UVRAG: variants seen among roughly 807,000 people sequenced by gnomAD.
UVRAG encodes the protein UV radiation resistance-associated gene protein.
A neutral mutation model predicts 78.0 loss-of-function variants in UVRAG; 19 were observed. The ratio of observed to expected loss-of-function variants is 0.24; its 90% CI spans 0.17 to 0.36. The LOEUF (loss-of-function observed/expected upper bound fraction) is 0.36, where lower values mean the gene tolerates loss of function less well. Among genes scored for constraint, UVRAG ranks in the 10% least tolerant of loss-of-function variants. UVRAG has a pLI of 1.00. For synonymous variants in UVRAG, 323 were observed against 324.6 expected (o/e 1.00, Z 0.05); for missense variants, 740 against 853.8 (o/e 0.87, Z 1.66).
intron 7 of UVRAG, among the ~76,000 whole-genome samples, chr11:75,978,185 T>G (rs1185643256): frequency 1.3e-5 from 2 of 152,128 alleles, no homozygotes; most frequent in African/African-American, 4.8e-5. Context: ...TTCAGAATGT[T>G]GAATATTGCC....
At chr11:75,856,010 G>A (rs919751837) in intron 2 of UVRAG, among the ~76,000 whole-genome samples, 3 of 151,730 alleles carry the variant, frequency 2.0e-5, no homozygotes, top group Admixed American at 1.3e-4. Flanking sequence ...ATTTTTTTGA[G>A]ACGGAGTCTC....
intron 2 of UVRAG, among the ~76,000 whole-genome samples, chr11:75,852,720 A>G (rs997851848): frequency 1.3e-5 from 2 of 152,168 alleles, no homozygotes; most frequent in African/African-American, 2.4e-5. Flanking sequence ...CACTCTCCCC[A>G]TTTGTAAAGT....
intron 14 of UVRAG, chr11:76,137,665 A>G (rs1000755283): frequency 5.6e-6 from 2 of 355,342 alleles, no homozygotes; most frequent in Non-Finnish European, 1.1e-5. Flanking sequence ...TTGGGAGGCC[A>G]AGGCAAGAGG....
At chr11:76,116,184 T>C (rs1952177959) in intron 14 of UVRAG, among the ~76,000 whole-genome samples, 169 bp downstream of exon 14, 1 of 152,196 alleles carries the variant, frequency 6.6e-6, no homozygotes, top group African/African-American at 2.4e-5. Flanking sequence ...AGCTCCCGTC[T>C]GGCTAAGGAG....
intron 1 of UVRAG, among the ~76,000 whole-genome samples, chr11:75,836,655 T>A (rs1377972744): frequency 6.6e-6 from 1 of 152,190 alleles, no homozygotes; most frequent in African/African-American, 2.4e-5. Context: ...AAAAGCAGCT[T>A]CCCTCTCCTG....
chr11:76,128,460 G>A (rs969958873), intron 14 of UVRAG, among the ~76,000 whole-genome samples: 5 of 152,194 alleles, frequency 3.3e-5, no homozygotes, highest in African/African-American at 1.2e-4. Context: ...CAGTAAATAA[G>A]TATCCTTCTG....
intron 2 of UVRAG, among the ~76,000 whole-genome samples, chr11:75,856,343 T>G (rs1382429134): frequency 6.6e-6 from 1 of 152,156 alleles, no homozygotes; most frequent in Admixed American, 6.5e-5. Context: ...ACCCATGAAA[T>G]GTAAATGCCT....
At chr11:75,900,986 C>T (rs1461019950) in intron 5 of UVRAG, among the ~76,000 whole-genome samples, 1 of 152,178 alleles carries the variant, frequency 6.6e-6, no homozygotes, top group Non-Finnish European at 1.5e-5. Context: ...AGAGGTCTCA[C>T]CTTTCCTCCT....
intron 13 of UVRAG, among the ~76,000 whole-genome samples, chr11:76,083,309 A>AT (rs904816307): frequency 9.2e-5 from 14 of 151,516 alleles, no homozygotes; most frequent in South Asian, 6.3e-4. Flanking sequence ...CATTTTTGGT[A>AT]TTTTTTTTTC....
chr11:76,113,623 CA>C (rs932231278), intron 13 of UVRAG, among the ~76,000 whole-genome samples: 2 of 151,776 alleles, frequency 1.3e-5, no homozygotes, highest in African/African-American at 4.8e-5. Context: ...GTTATGTATG[CA>C]TTTATTTTTG....
chr11:76,138,992 G>C (rs972012871), intron 14 of UVRAG, among the ~76,000 whole-genome samples: 3 of 152,236 alleles, frequency 2.0e-5, no homozygotes, highest in African/African-American at 7.2e-5. Context: ...ATCGAGGCCA[G>C]CAGATTTTGC....
intron 1 of UVRAG, among the ~76,000 whole-genome samples, chr11:75,850,893 G>T (rs1176489905): frequency 6.6e-6 from 1 of 152,208 alleles, no homozygotes; most frequent in African/African-American, 2.4e-5. Context: ...TCTCTAGATT[G>T]GGAGAAAGGA....
At chr11:75,979,171 G>C (rs1425435079) in intron 7 of UVRAG, among the ~76,000 whole-genome samples, 2 of 152,254 alleles carry the variant, frequency 1.3e-5, no homozygotes, top group Non-Finnish European at 2.9e-5. Flanking sequence ...GGTATCACCA[G>C]TGGAGGCTGC....
At chr11:76,103,443 C>A (rs1951913606) in intron 13 of UVRAG, among the ~76,000 whole-genome samples, 1 of 151,252 alleles carries the variant, frequency 6.6e-6, no homozygotes, top group African/African-American at 2.4e-5. Context: ...GAATTCATTA[C>A]TTTTTGTTAA....
chr11:75,858,783 AGGTG>A (rs1444682265), intron 2 of UVRAG, among the ~76,000 whole-genome samples: 1 of 152,202 alleles, frequency 6.6e-6, no homozygotes, highest in Non-Finnish European at 1.5e-5. Flanking sequence ...CCACCCTGTT[AGGTG>A]AAAAATAATT....
At chr11:76,084,226 T>C (rs965601269) in intron 13 of UVRAG, among the ~76,000 whole-genome samples, 20 of 152,324 alleles carry the variant, frequency 1.3e-4, no homozygotes, top group African/African-American at 4.6e-4. Flanking sequence ...AGTTTATATC[T>C]CCTTATTAAG....
intron 4 of UVRAG, among the ~76,000 whole-genome samples, chr11:75,885,718 A>G (rs1378689356): frequency 6.6e-6 from 1 of 152,172 alleles, no homozygotes; most frequent in Non-Finnish European, 1.5e-5. Flanking sequence ...TGATAAGTAA[A>G]GGATAGTACA....
chr11:75,856,556 C>T (rs1181678312), intron 2 of UVRAG, among the ~76,000 whole-genome samples: 3 of 151,406 alleles, frequency 2.0e-5, no homozygotes, highest in African/African-American at 4.9e-5. Context: ...GTGATTCTCC[C>T]GCCTCAGCCT....
rs371887104 is a variant in UVRAG at position 76,034,543 on chromosome 11, T to C, written c.1226+17563T>C. On this transcript the variant is annotated intron_variant, in intron 12 of 14. Coordinates refer to ENST00000356136, the MANE Select transcript of UVRAG (RefSeq NM_003369.4). ...TTTTTTAAAGGCTACTTTTTAAAAG[T>C]CTAGGATATATGTTTCTCTGTACCT... Among the ~76,000 whole-genome samples, 13 of 152,310 alleles carry C rather than the reference T, an allele frequency of 8.5e-5. No homozygotes were observed. The East Asian group carries it at 1.5e-3, about 18-fold the overall frequency.
Sources: gnomAD v4.1 joint callset for allele counts (sites outside exome capture counted in the v4.1 genomes callset) on GRCh38, gnomAD v4.1.1 for gene constraint, MANE v1.5 for transcripts, NCBI Gene and HGNC (gene_info 2026-07-23, HGNC 2026-07-21) for gene names.